Variants in SDK1 observed in about 807,000 individuals in gnomAD.
SDK1 encodes the protein sidekick cell adhesion molecule 1.
In SDK1, 157 loss-of-function variants were observed where a neutral mutation model predicts 245.5. The ratio of observed to expected loss-of-function variants is 0.64; its 90% CI spans 0.56 to 0.73. The LOEUF is 0.73. SDK1 is among the 30% of genes least tolerant of loss of function. SDK1 has a pLI of 0.00. For synonymous variants in SDK1, 1,647 were observed against 1,278.5 expected (o/e 1.29, Z -6.15); for missense variants, 3,583 against 3,002.3 (o/e 1.19, Z -4.52).
intron 2 of SDK1, among the ~76,000 whole-genome samples, chr7:3,620,546 G>A (rs1204316419): frequency 6.6e-6 from 1 of 152,130 alleles, no homozygotes; most frequent in African/African-American, 2.4e-5. Context: ...CAGGTGATCT[G>A]CCTGCCTTGG....
chr7:3,586,975 GA>G (rs1780711356), intron 1 of SDK1, among the ~76,000 whole-genome samples: 1 of 152,174 alleles, frequency 6.6e-6, no homozygotes. Flanking sequence ...GCATTGTGGT[GA>G]AGCAGACAGC....
chr7:4,034,561 T>C (rs899800861), intron 17 of SDK1, among the ~76,000 whole-genome samples: 7 of 152,204 alleles, frequency 4.6e-5, no homozygotes, highest in African/African-American at 1.4e-4. Context: ...TAAAAATGTT[T>C]CTCATTCTTT....
At chr7:3,342,707 G>T (rs1325843933) in intron 1 of SDK1, among the ~76,000 whole-genome samples, 2 of 152,076 alleles carry the variant, frequency 1.3e-5, no homozygotes, top group African/African-American at 2.4e-5. Flanking sequence ...ACCAGTTAAA[G>T]ACTTTTTCTC....
At chr7:3,898,174 G>A (rs1562521111) in intron 5 of SDK1, among the ~76,000 whole-genome samples, 2 of 152,198 alleles carry the variant, frequency 1.3e-5, no homozygotes, top group Admixed American at 1.3e-4. Context: ...CAGATACGGT[G>A]CTTTAATTAC....
chr7:3,603,147 A>G (rs1781304709), intron 1 of SDK1, among the ~76,000 whole-genome samples: 1 of 145,894 alleles, frequency 6.9e-6, no homozygotes, highest in South Asian at 2.4e-4. Context: ...TTGGCTTAGG[A>G]TTGACTTGGC....
intron 35 of SDK1, among the ~76,000 whole-genome samples, chr7:4,199,649 G>T (rs1783776173): frequency 6.6e-6 from 1 of 152,182 alleles, no homozygotes; most frequent in Non-Finnish European, 1.5e-5. Flanking sequence ...CAGCTGCCAT[G>T]TCACAGCAGA....
chr7:4,129,956 G>C lies in SDK1; in HGVS notation c.3988G>C (p.Val1330Leu). The C allele has an allele frequency of 6.2e-7, 1 of 1,613,838 alleles. No individual in the cohort carries two copies. The highest frequency in any genetic ancestry group is 8.5e-7 in the Non-Finnish European group (1 of 1,179,956). Residue 1330 changes from valine (V) to leucine (L), a missense_variant, in exon 27 of 45, where the codon GTG becomes CTG. Transcript: ENST00000404826. ...GGATCCCGAGCCCAGGAGCCACATCGTGCGAGGGAACCACACGCAGTCGGC... is the reference window on the plus strand; with the variant it reads ...GGATCCCGAGCCCAGGAGCCACATCCTGCGAGGGAACCACACGCAGTCGGC... ...DLDPEPRSHI[V>L]RGNHTQSALL...
chr7:3,709,492 C>T (rs1784979823), intron 4 of SDK1, among the ~76,000 whole-genome samples: 1 of 152,238 alleles, frequency 6.6e-6, no homozygotes. Flanking sequence ...CAGTCCGTCC[C>T]ACTGTCATAC....
At chr7:3,839,648 A>T (rs1780109389) in intron 5 of SDK1, among the ~76,000 whole-genome samples, 2 of 152,340 alleles carry the variant, frequency 1.3e-5, no homozygotes, top group Admixed American at 1.3e-4. Context: ...TCCATCCATG[A>T]ATATATGAAC....
At chr7:3,535,618 T>G (rs1332652183) in intron 1 of SDK1, among the ~76,000 whole-genome samples, 1 of 152,220 alleles carries the variant, frequency 6.6e-6, no homozygotes, top group Non-Finnish European at 1.5e-5. Context: ...TTAGCATCCT[T>G]ATATTTGTAA....
intron 4 of SDK1, among the ~76,000 whole-genome samples, chr7:3,742,372 A>G (rs1234132190): frequency 1.3e-5 from 2 of 152,092 alleles, no homozygotes; most frequent in Admixed American, 6.5e-5. Context: ...TTCCTTGTGA[A>G]CGTGTTCCTC....
At chr7:3,775,592 CAG>C (rs903549629) in intron 4 of SDK1, among the ~76,000 whole-genome samples, 7 of 145,500 alleles carry the variant, frequency 4.8e-5, no homozygotes, top group Non-Finnish European at 1.0e-4. Flanking sequence ...TTTTTTGAGA[CAG>C]AGTCTTGCTC....
intron 2 of SDK1, among the ~76,000 whole-genome samples, chr7:3,625,554 T>C (rs1165164784): frequency 6.6e-6 from 1 of 152,208 alleles, no homozygotes; most frequent in Admixed American, 6.5e-5. Context: ...GGATCCCTTA[T>C]CAAGTTGGCA....
intron 1 of SDK1, among the ~76,000 whole-genome samples, chr7:3,530,950 A>G (rs141002631): frequency 5.6e-4 from 86 of 152,346 alleles, no homozygotes; most frequent in African/African-American, 2.0e-3. Context: ...TCTTTATCGT[A>G]TAGTTGATAA....
At chr7:3,936,350 G>A (rs536943808) in intron 5 of SDK1, among the ~76,000 whole-genome samples, 1 of 152,238 alleles carries the variant, frequency 6.6e-6, no homozygotes, top group East Asian at 1.9e-4. Context: ...GGGAGGCCGA[G>A]GCAGGCGGAT....
At chr7:3,781,674 A>G (rs1482753384) in intron 4 of SDK1, among the ~76,000 whole-genome samples, 1 of 152,204 alleles carries the variant, frequency 6.6e-6, no homozygotes, top group Non-Finnish European at 1.5e-5. Context: ...AATTGAATAA[A>G]ATTTGGAAAA....
At chr7:4,167,867 T>G (rs1300023301) in intron 32 of SDK1, among the ~76,000 whole-genome samples, 4 of 152,218 alleles carry the variant, frequency 2.6e-5, no homozygotes, top group Non-Finnish European at 5.9e-5. Context: ...CCTGGGAGTT[T>G]GAGCAGTCAG....
chr7:3,459,855 A>T (rs1780780822), intron 1 of SDK1, among the ~76,000 whole-genome samples: 1 of 152,198 alleles, frequency 6.6e-6, no homozygotes. Flanking sequence ...ATAGAAAAGG[A>T]GAGAGAAATA....
rs184721056 is a variant in SDK1, at chr7:3,671,592, A to C, written c.713+29487A>C. On this transcript the variant is annotated intron_variant, in intron 4 of 44. Transcript: ENST00000404826. ...TGCTGTTATACCTATTTACAAGTTTAAGACTGAGTCAATAGAAAAAAATCC... is the reference window on the plus strand; with the variant it reads ...TGCTGTTATACCTATTTACAAGTTTCAGACTGAGTCAATAGAAAAAAATCC... 3.7e-3 allele frequency among the ~76,000 whole-genome samples: 559 copies of C among 152,324 alleles called. 4 individuals are homozygous for C. Among genetic ancestry groups the C allele is most frequent in the Admixed American group, 6.7e-3 (103 of 15,294 alleles).
Sources: allele counts gnomAD v4.1 joint callset (sites outside exome capture counted in the v4.1 genomes callset), GRCh38; gene constraint gnomAD v4.1.1; transcripts MANE v1.5; gene names NCBI Gene and HGNC (gene_info 2026-07-23, HGNC 2026-07-21).